SPTBN5: variants seen among roughly 807,000 people sequenced by gnomAD.
SPTBN5 encodes spectrin beta chain, non-erythrocytic 5.
In SPTBN5, 513 loss-of-function variants were observed where a neutral mutation model predicts 477.6. The ratio of observed to expected loss-of-function variants is 1.07; its 90% CI spans 1.00 to 1.16. The LOEUF is 1.16. Ranked by LOEUF, SPTBN5 falls within the 50% of genes most tolerant of loss-of-function variation. The pLI is 0.00. For missense variants in SPTBN5, 5,062 were observed against 4,731.8 expected, an observed-to-expected ratio of 1.07 and a Z score of -2.05; for synonymous variants, 2,169 against 2,011.7, an observed-to-expected ratio of 1.08 and a Z score of -2.09.
intron 3 of SPTBN5, among the ~76,000 whole-genome samples, chr15:41,891,073 C>T (rs1407463678): frequency 6.6e-6 from 1 of 152,238 alleles, no homozygotes; most frequent in Non-Finnish European, 1.5e-5. Flanking sequence ...TCAGATGTTG[C>T]CTAGCCTGAC....
At chr15:41,854,272 C>A in intron 56 of SPTBN5, 67 bp from the exon 57 acceptor site, 1 of 1,528,650 alleles carries the variant, frequency 6.5e-7, no homozygotes, top group Non-Finnish European at 8.8e-7. Context: ...TCCCTGGAGA[C>A]ATGGCCTTCT....
intron 52 of SPTBN5, 126 bp downstream of exon 52, chr15:41,856,727 G>T: frequency 1.5e-6 from 2 of 1,342,010 alleles, no homozygotes; most frequent in Non-Finnish European, 1.0e-6. Flanking sequence ...GACTCCCAAA[G>T]AATCCAGGGC....
chr15:41,882,822 C>T, intron 9 of SPTBN5, 84 bp from the exon 10 acceptor site: 1 of 1,492,062 alleles, frequency 6.7e-7, no homozygotes, highest in African/African-American at 1.4e-5. Context: ...AGACACTCCC[C>T]TTAGACAGGA....
rs752600212 is a variant in SPTBN5, at chr15:41,879,333, C to G, written c.3109G>C (p.Ala1037Pro). The change falls in exon 16 of 68, where the codon GCC becomes CCC. Residue 1037 changes from alanine to proline, a missense_variant. By Grantham distance (27) the Ala-to-Pro change is conservative. Transcript: ENST00000320955. ...QPGSSEDTCH[A>P]LQLAQKKTLV... ...GTCTTCTTCTGGGCCAGCTGCAGGG[C>G]GTGGCAGGTGTCCTCTGAGCTCCCT... 6.2e-7 allele frequency: 1 copy of G among 1,610,158 alleles called. No homozygotes were observed.
In SPTBN5 at chr15:41,852,773, G is replaced by C. The variant is rs374580477; in HGVS notation, c.10348-38C>G. Reference sequence around the variant, plus strand: ...ATGTTCAGGTGACGCCCAGCTTGGGGGGGGGGGCCCAGAGCCTGGTAGCCA... The same window carrying C: ...ATGTTCAGGTGACGCCCAGCTTGGGCGGGGGGGCCCAGAGCCTGGTAGCCA... On this transcript the variant is annotated intron_variant, in intron 60 of 67. Coordinates refer to ENST00000320955, the MANE Select transcript of SPTBN5 (RefSeq NM_016642.4). The C allele has an allele frequency of 5.7e-4, 913 of 1,597,170 alleles. 12 individuals are homozygous for C. The East Asian group carries it at 0.014, about 25-fold the overall frequency.
rs1595500557 is a variant in SPTBN5, at chr15:41,880,401, C to T, written c.2659-89G>A. On this transcript the variant is annotated intron_variant, in intron 13 of 67. Transcript: ENST00000320955. Reference sequence around the variant, plus strand: ...GTCAAAGGGGTGCTCCTCCCCATCCCAGCCCACCAGCAGAGCCCAGGGTCA... The same window carrying T: ...GTCAAAGGGGTGCTCCTCCCCATCCTAGCCCACCAGCAGAGCCCAGGGTCA... 4 of 1,380,582 alleles carry T rather than the reference C, an allele frequency of 2.9e-6. No homozygotes were observed. In the East Asian group the frequency reaches 7.5e-5, roughly 26 times the overall value. 85.5% of individuals were successfully genotyped at this position (1,380,582 alleles called of 1,614,324 possible). A position where few individuals can be genotyped will look rare whatever the true frequency, so the allele number is the denominator to read the frequency against.
In SPTBN5 at chr15:41,856,420, T is replaced by C; in HGVS notation, c.8987A>G (p.Gln2996Arg). 1 of 1,590,974 alleles carries C rather than the reference T, an allele frequency of 6.3e-7. No individual in the cohort carries two copies. Among genetic ancestry groups the C allele is most frequent in the East Asian group, 2.3e-5 (1 of 44,224 alleles). Residue 2996 changes from glutamine (Q) to arginine (R), a missense_variant, in exon 53 of 68, where the codon CAG becomes CGG. Transcript: ENST00000320955. ...AAACTGCTGGGCCTCCTGAGCCTGC[T>C]GCAGCAGAAGCCGCCTCCGCGCCGC... ...AEAARRRLLL[Q>R]QAQEAQQFLT...
Position 41,883,374 on chromosome 15 carries a change from C to G in SPTBN5, c.1633G>C (p.Ala545Pro), listed in dbSNP as rs1281066440. The change falls in exon 8 of 68, where the codon GCC becomes CCC. Residue 545 changes from alanine to proline, a missense_variant. By Grantham distance (27) the Ala-to-Pro change is conservative. Transcript: ENST00000320955. ...VLSLLQEVEA[A>P]SHQLEELQEP... Reference sequence around the variant, plus strand: ...TGCAGCTCCTCCAGCTGGTGGGAGGCAGCCTCCACCTCCTGCAGCAGGCTC... The same window carrying G: ...TGCAGCTCCTCCAGCTGGTGGGAGGGAGCCTCCACCTCCTGCAGCAGGCTC... The G allele has an allele frequency of 2.5e-6, 4 of 1,613,440 alleles. No homozygotes were observed. Among genetic ancestry groups the G allele is most frequent in the Non-Finnish European group, 3.4e-6 (4 of 1,179,820 alleles).
Position 41,850,916 on chromosome 15 carries a change from A to G in SPTBN5, c.10859T>C (p.Leu3620Pro). Residue 3620 changes from leucine (L) to proline (P), a missense_variant, in exon 66 of 68, where the codon CTG (leucine) becomes CCG (proline). Physicochemically the swap from Leu to Pro is moderately conservative, Grantham distance 98. Coordinates refer to ENST00000320955, the MANE Select transcript of SPTBN5 (RefSeq NM_016642.4). ...CTGCTCTTCGGACGGTGCTGCAAACAGGATCTCTGCCCCACTGGTCAGCCT... is the reference window on the plus strand; with the variant it reads ...CTGCTCTTCGGACGGTGCTGCAAACGGGATCTCTGCCCCACTGGTCAGCCT... ...SLRLTSGAEI[L>P]FAAPSEEQAE... 1.9e-6 allele frequency: 3 copies of G among 1,602,236 alleles called. No individual in the cohort carries two copies. Among genetic ancestry groups the G allele is most frequent in the African/African-American group, 1.4e-5 (1 of 73,384 alleles).
rs929731948 is a variant in SPTBN5, at chr15:41,852,767, C to T, written c.10348-32G>A. The T allele has an allele frequency of 4.1e-6, 6 of 1,465,444 alleles. No individual in the cohort carries two copies. In the African/African-American group the frequency reaches 4.7e-5, roughly 12 times the overall value. 90.8% of individuals were successfully genotyped at this position (1,465,444 alleles called of 1,614,324 possible). ...AGAAGCATGTTCAGGTGACGCCCAG[C>T]TTGGGGGGGGGGGCCCAGAGCCTGG... On this transcript the variant is annotated intron_variant, in intron 60 of 67. Transcript: ENST00000320955.
chr15:41,856,145 C>A (rs959590092), intron 53 of SPTBN5, among the ~76,000 whole-genome samples: 2 of 152,222 alleles, frequency 1.3e-5, no homozygotes, highest in African/African-American at 4.8e-5. Flanking sequence ...GTGAAGGTTC[C>A]AGGTGATTCT....
At position 41,887,884 on chromosome 15, in the gene SPTBN5, T is replaced by C. The variant is rs560516410; in HGVS notation, c.659+44A>G. On this transcript the variant is annotated intron_variant, in intron 5 of 67. Transcript: ENST00000320955. Reference sequence around the variant, plus strand: ...GCTGAGGACCCAAACCCAGGAGCTGTTGGCTCAGTGGGCAGAGGCCTCCTG... The same window carrying C: ...GCTGAGGACCCAAACCCAGGAGCTGCTGGCTCAGTGGGCAGAGGCCTCCTG... 36 of 1,576,972 alleles carry C rather than the reference T, an allele frequency of 2.3e-5. 1 individual carries two copies. In the South Asian group the frequency reaches 4.2e-4, roughly 19 times the overall value.
chr15:41,869,857 G>A lies in SPTBN5; in HGVS notation c.5837C>T (p.Ala1946Val). 1 of 1,561,248 alleles carries A rather than the reference G, an allele frequency of 6.4e-7. No homozygotes were observed. Among genetic ancestry groups the A allele is most frequent in the Non-Finnish European group, 8.6e-7 (1 of 1,163,316 alleles). Reference protein sequence around the residue: ...RAQLERARLLARFRTAVRDYA... With the variant: ...RAQLERARLLVRFRTAVRDYA... ...AGCCCTCACCGCCGTGCGGAAGCGG[G>A]CCAGGAGGCGTGCCCGCTCCAGCTG... The change falls in exon 32 of 68, where the codon GCC becomes GTC. Residue 1946 changes from alanine to valine, a missense_variant. Coordinates refer to ENST00000320955, the MANE Select transcript of SPTBN5 (RefSeq NM_016642.4).
At chr15:41,851,228 T>C (rs2140908819) in intron 64 of SPTBN5, 55 bp downstream of exon 64, 1 of 1,560,236 alleles carries the variant, frequency 6.4e-7, no homozygotes, top group Non-Finnish European at 8.7e-7. Context: ...CTGGGGCCCC[T>C]CTGCCTTGCT....
chr15:41,866,763 C>A (rs190618403), intron 36 of SPTBN5, among the ~76,000 whole-genome samples, 196 bp downstream of exon 36: 4 of 152,322 alleles, frequency 2.6e-5, no homozygotes, highest in Admixed American at 2.6e-4. Flanking sequence ...TGCCCTGGCG[C>A]TGCTAGAGCT....
Position 41,861,748 on chromosome 15 carries a change from G to C in SPTBN5, c.7724C>G (p.Ala2575Gly), listed in dbSNP as rs1037968520. The change falls in exon 45 of 68, where the codon GCC becomes GGC. Residue 2575 changes from alanine to glycine, a missense_variant. By Grantham distance (60) the Ala-to-Gly change is moderately conservative. Coordinates refer to ENST00000320955, the MANE Select transcript of SPTBN5 (RefSeq NM_016642.4). ...WQEHQLQLQQ[A>G]LELQLFLSSV... ...GACTGTGCCTGCCTGTAGCTCCAGGGCCTGCTGCAGCTGTAGCTGATGCTC... is the reference window on the plus strand; with the variant it reads ...GACTGTGCCTGCCTGTAGCTCCAGGCCCTGCTGCAGCTGTAGCTGATGCTC... 6.5e-7 allele frequency: 1 copy of C among 1,546,812 alleles called. No homozygotes were observed. The highest frequency in any genetic ancestry group is 1.2e-5 in the South Asian group (1 of 84,540).
In SPTBN5 at chr15:41,856,623, G is replaced by A. The variant is rs758883260; in HGVS notation, c.8809-25C>T. The A allele has an allele frequency of 5.6e-5, 86 of 1,545,140 alleles. No individual in the cohort carries two copies. The South Asian group carries it at 9.7e-4, about 17-fold the overall frequency. On this transcript the variant is annotated intron_variant, in intron 52 of 67. Transcript: ENST00000320955. ...TCTGCGGGGGAGGAGGCAGGAGGATGCGGATGTTGCTGACCCTTGGGGGAC... is the reference window on the plus strand; with the variant it reads ...TCTGCGGGGGAGGAGGCAGGAGGATACGGATGTTGCTGACCCTTGGGGGAC...
chr15:41,868,065 C>T lies in SPTBN5; in HGVS notation c.6207+4G>A, dbSNP rs1244177048. ...GCGGAGTGTGAGGGCGGGAGGGGAC[C>T]TGCCTCCTGGGCCGCGAGGATCTCC... On this transcript the variant is annotated splice_donor_region_variant and intron_variant, in intron 34 of 67. Transcript: ENST00000320955. The T allele has an allele frequency of 6.3e-7, 1 of 1,597,946 alleles. No individual in the cohort carries two copies. The highest frequency in any genetic ancestry group is 1.7e-5 in the Admixed American group (1 of 58,766).
At position 41,874,949 on chromosome 15, in the gene SPTBN5, C is replaced by G. The variant is rs774563977; in HGVS notation, c.4395G>C (p.Glu1465Asp). Residue 1465 changes from glutamate to aspartate, a missense_variant, in exon 23 of 68, where the codon GAG (glutamate) becomes GAC (aspartate). Transcript: ENST00000320955. ...QRLQKRHQQL[E>D]SESRTLAAKM... ...TGGCAGCCAGGGTCCGGCTCTCACT[C>G]TCCAGCTGTTGGTGCCGTTTCTGCA... The G allele has an allele frequency of 1.4e-5, 23 of 1,613,546 alleles. No individual in the cohort carries two copies. Among genetic ancestry groups the G allele is most frequent in the Non-Finnish European group, 1.9e-5 (23 of 1,179,888 alleles).
Sources: allele counts gnomAD v4.1 joint callset (sites outside exome capture counted in the v4.1 genomes callset), GRCh38; gene constraint gnomAD v4.1.1; transcripts MANE v1.5; gene names NCBI Gene and HGNC (gene_info 2026-07-23, HGNC 2026-07-21).